Variants in SFI1 observed in about 807,000 individuals in gnomAD.
SFI1 encodes SFI1 centrin binding protein.
Under a neutral mutation model 207.5 loss-of-function variants are expected in SFI1, and 195 were observed. The ratio of observed to expected loss-of-function variants is 0.94; its 90% CI spans 0.84 to 1.06. The LOEUF is 1.06. Ranked by LOEUF, SFI1 falls within the 50% of genes least tolerant of loss-of-function variation. The pLI is 0.00. For synonymous variants in SFI1, 630 were observed against 598.9 expected, an observed-to-expected ratio of 1.05 and a Z score of -0.76; for missense variants, 1,634 against 1,588.0, an observed-to-expected ratio of 1.03 and a Z score of -0.49.
At chr22:31,602,808 C>T (rs770888969) in intron 17 of SFI1, 23 bp downstream of exon 17, 1 of 1,606,350 alleles carries the variant, frequency 6.2e-7, no homozygotes, top group Non-Finnish European at 8.5e-7. Context: ...TTCTGCCTTA[C>T]AAGCCTTTCC....
chr22:31,500,432 A>AT (rs1482932739), intron 1 of SFI1, among the ~76,000 whole-genome samples: 1 of 152,074 alleles, frequency 6.6e-6, no homozygotes, highest in East Asian at 1.9e-4. Context: ...AATTGTTAGC[A>AT]TTTTTTAGCA....
rs372711769 is a variant in SFI1, at chr22:31,585,030, A to G, written c.1347-38A>G. 5 of 1,600,378 alleles carry G rather than the reference A, an allele frequency of 3.1e-6. No homozygotes were observed. The African/African-American group carries it at 6.7e-5, about 22-fold the overall frequency. On this transcript the variant is annotated intron_variant, in intron 13 of 32. Transcript: ENST00000400288. ...TACCTGCCTTAAAACAAAGTTTTAA[A>G]AACTTGAAACCTGAAGGTGTTCTTC... is the stretch of plus-strand genomic sequence containing the variant.
At chr22:31,591,872 C>G (rs2066011880) in intron 15 of SFI1, among the ~76,000 whole-genome samples, 1 of 70,772 alleles carries the variant, frequency 1.4e-5, no homozygotes, top group African/African-American at 8.5e-5. Context: ...CGCCCCTCAC[C>G]TCCCAGACGG....
chr22:31,580,475 C>A, intron 12 of SFI1, 111 bp downstream of exon 12: 1 of 746,836 alleles, frequency 1.3e-6, no homozygotes, highest in Non-Finnish European at 2.2e-6. Flanking sequence ...ACTTTTTGTG[C>A]TTCAAGATTT....
chr22:31,545,100 T>G (rs1286491778), intron 4 of SFI1, among the ~76,000 whole-genome samples: 1 of 152,040 alleles, frequency 6.6e-6, no homozygotes. Context: ...GATGTGGTGA[T>G]TCAGGCATAT....
chr22:31,575,089 T>C (rs936251910), intron 9 of SFI1, 142 bp from the exon 10 acceptor site: 69 of 33,570 alleles, frequency 2.1e-3, no homozygotes, highest in South Asian at 0.011. Flanking sequence ...TTAGTGCGTG[T>C]GTGTGTGTGT....
At chr22:31,499,522 T>C (rs1050487151) in intron 1 of SFI1, among the ~76,000 whole-genome samples, 1 of 152,284 alleles carries the variant, frequency 6.6e-6, no homozygotes, top group Admixed American at 6.5e-5. Context: ...GCTGTGAACA[T>C]TGTTGAAATG....
intron 2 of SFI1, among the ~76,000 whole-genome samples, chr22:31,512,429 T>C (rs1157177780): frequency 6.6e-6 from 1 of 150,930 alleles, no homozygotes; most frequent in Non-Finnish European, 1.5e-5. Flanking sequence ...TGGACTGTTT[T>C]CAGTTTTTAA....
At chr22:31,596,113 C>T (rs1451373779) in intron 15 of SFI1, among the ~76,000 whole-genome samples, 7 of 152,012 alleles carry the variant, frequency 4.6e-5, no homozygotes, top group African/African-American at 1.2e-4. Flanking sequence ...ATTAGCGGGG[C>T]GTGGTGGTGC....
intron 15 of SFI1, among the ~76,000 whole-genome samples, chr22:31,594,503 G>T (rs1343856378): frequency 7.7e-6 from 1 of 130,480 alleles, no homozygotes; most frequent in African/African-American, 3.0e-5. Flanking sequence ...AGCTGAGATC[G>T]CATCATTGCA....
At chr22:31,572,345 C>T (rs562117898) in intron 8 of SFI1, among the ~76,000 whole-genome samples, 1 of 152,164 alleles carries the variant, frequency 6.6e-6, no homozygotes, top group East Asian at 1.9e-4. Context: ...CTTGTAGACC[C>T]TTAGCTTCTA....
At chr22:31,521,825 G>A (rs540292634) in intron 2 of SFI1, among the ~76,000 whole-genome samples, 22 of 151,268 alleles carry the variant, frequency 1.5e-4, no homozygotes, top group African/African-American at 4.9e-4. Context: ...GGGCAGTGGC[G>A]TGATCTTGGC....
Position 31,559,664 on chromosome 22 carries a change from G to C in SFI1, c.663-1626G>C, listed in dbSNP as rs922418013. ...CAAGTGGGCAGGAGAACTCACTGAG[G>C]ATGAGATGGAACGTGTGATGACCAT... On this transcript the variant is annotated intron_variant, in intron 7 of 32. Coordinates refer to ENST00000400288, the MANE Select transcript of SFI1 (RefSeq NM_001007467.3). 9.4e-6 allele frequency: 7 copies of C among 745,160 alleles called. No homozygotes were observed. The East Asian group carries it at 1.3e-4, about 14-fold the overall frequency. The allele number at this position is 745,160 out of a possible 1,614,324, so 46.2% of individuals were successfully genotyped here.
At position 31,498,649 on chromosome 22, in the gene SFI1, TA is replaced by T. The variant is rs35069980; in HGVS notation, c.-31+2026del. 1.1e-3 allele frequency among the ~76,000 whole-genome samples: 163 copies of T among 143,618 alleles called. 1 individual carries two copies. The highest frequency in any genetic ancestry group is 7.6e-3 in the East Asian group (37 of 4,858). The allele number at this position is 143,618 out of a possible 152,430, so 94.2% of individuals were successfully genotyped here. A position where few individuals can be genotyped will look rare whatever the true frequency, so the allele number is the denominator to read the frequency against. On this transcript the variant is annotated intron_variant, in intron 1 of 32. Coordinates refer to ENST00000400288, the MANE Select transcript of SFI1 (RefSeq NM_001007467.3). ...CTGGGCGACAGAGCAAGACTCCGTC[TA>T]AAAAAAAAAAAAATCATTAAAAGGA...
chr22:31,615,226 C>A lies in SFI1; in HGVS notation c.3247C>A (p.Leu1083Met). 6.5e-7 allele frequency: 1 copy of A among 1,542,282 alleles called. No individual in the cohort carries two copies. The highest frequency in any genetic ancestry group is 8.7e-7 in the Non-Finnish European group (1 of 1,152,022). The change falls in exon 29 of 33, where the codon CTG becomes ATG. Residue 1083 changes from leucine to methionine, a missense_variant. Physicochemically the swap from Leu to Met is conservative, Grantham distance 15. Transcript: ENST00000400288. ...GACGGCAAGCACAGGCCCGGAGCTGCTGCTGCTGCCTCTTTCCTCCTTCAT... is the reference window on the plus strand; with the variant it reads ...GACGGCAAGCACAGGCCCGGAGCTGATGCTGCTGCCTCTTTCCTCCTTCAT... ...PPTASTGPEL[L>M]LLPLSSFMPC...
At chr22:31,574,851 G>GT (rs1191193136) in intron 9 of SFI1, among the ~76,000 whole-genome samples, 1 of 152,118 alleles carries the variant, frequency 6.6e-6, no homozygotes, top group African/African-American at 2.4e-5. Context: ...GAGGTCAGGA[G>GT]TTCGAGACCA....
chr22:31,549,320 A>C (rs1312628628), intron 5 of SFI1, among the ~76,000 whole-genome samples: 2 of 148,892 alleles, frequency 1.3e-5, no homozygotes, highest in East Asian at 1.9e-4. Context: ...AAAAAAGACA[A>C]GATTGTCATT....
intron 2 of SFI1, 46 bp downstream of exon 2, chr22:31,508,422 C>A: frequency 7.7e-7 from 1 of 1,304,438 alleles, no homozygotes; most frequent in Non-Finnish European, 1.1e-6. Context: ...AATGATGGTT[C>A]ATATAAAACT....
At chr22:31,510,494 T>A (rs1365255395) in intron 2 of SFI1, among the ~76,000 whole-genome samples, 1 of 152,106 alleles carries the variant, frequency 6.6e-6, no homozygotes, top group Non-Finnish European at 1.5e-5. Flanking sequence ...AGTACGGTGG[T>A]GTGATCTCAG....
Sources: allele counts gnomAD v4.1 joint callset (sites outside exome capture counted in the v4.1 genomes callset), GRCh38; gene constraint gnomAD v4.1.1; transcripts MANE v1.5; gene names NCBI Gene and HGNC (gene_info 2026-07-23, HGNC 2026-07-21).